Variants in SOD2 observed in about 807,000 individuals in gnomAD.
SOD2 encodes superoxide dismutase [Mn], mitochondrial.
Under a neutral mutation model 27.0 loss-of-function variants are expected in SOD2, and 11 were observed. The observed-to-expected ratio is 0.41, with a 90% confidence interval of 0.26 to 0.67. SOD2 has a LOEUF of 0.67. Ranked by LOEUF, SOD2 falls within the 30% of genes least tolerant of loss-of-function variation. The pLI, the probability that SOD2 is intolerant of heterozygous loss-of-function variation, is 0.34. For missense variants in SOD2, 250 were observed against 274.5 expected (o/e 0.91, Z 0.63); for synonymous variants, 105 against 103.0 (o/e 1.02, Z -0.12).
chr6:159,685,467 C>A (rs879853869), intron 3 of SOD2, among the ~76,000 whole-genome samples: 3 of 152,110 alleles, frequency 2.0e-5, no homozygotes, highest in Non-Finnish European at 4.4e-5. Flanking sequence ...GTCTCAAACT[C>A]CCAACCTCAG....
At chr6:159,750,386 A>G (rs1779774675) in intron 1 of SOD2, among the ~76,000 whole-genome samples, 1 of 152,142 alleles carries the variant, frequency 6.6e-6, no homozygotes, top group Admixed American at 6.5e-5. Context: ...TTTCTCTTTT[A>G]ATAAGATAAT....
At chr6:159,738,795 A>G (rs373131623) in intron 1 of SOD2, among the ~76,000 whole-genome samples, 1 of 152,004 alleles carries the variant, frequency 6.6e-6, no homozygotes, top group Non-Finnish European at 1.5e-5. Context: ...TTTCCTAATG[A>G]TGATGCCCAT....
At chr6:159,727,432 G>T (rs954717951), upstream of SOD2, 4 of 1,088,062 alleles carry the variant, frequency 3.7e-6, no homozygotes, top group South Asian at 1.9e-5. Flanking sequence ...GGCGCGTTCG[G>T]ACCGGCTGTG....
intron 4 of SOD2, among the ~76,000 whole-genome samples, chr6:159,683,286 C>T (rs1562417006): frequency 6.6e-6 from 1 of 152,142 alleles, no homozygotes; most frequent in South Asian, 2.1e-4. Context: ...GCGTTCGAGA[C>T]CAGCCTGGCC....
At chr6:159,755,807 C>A in intron 1 of SOD2, 3 of 868,910 alleles carry the variant, frequency 3.5e-6, no homozygotes, top group Non-Finnish European at 2.9e-6. Context: ...ATACTTCTGC[C>A]GCTTTGGAAA....
At chr6:159,735,581 T>C (rs1440016764) in intron 1 of SOD2, among the ~76,000 whole-genome samples, 1 of 152,066 alleles carries the variant, frequency 6.6e-6, no homozygotes, top group Non-Finnish European at 1.5e-5. Context: ...AAACCCCGTC[T>C]CTACTAAAAA....
At chr6:159,692,226 C>T (rs1164619731) in intron 2 of SOD2, 2 of 377,462 alleles carry the variant, frequency 5.3e-6, no homozygotes, top group Non-Finnish European at 9.1e-6. Context: ...TGGACAGGCG[C>T]TCTCAGCCCT....
At chr6:159,749,181 G>A, upstream of SOD2, 1 of 985,824 alleles carries the variant, frequency 1.0e-6, no homozygotes, top group Non-Finnish European at 1.2e-6. Context: ...CAAACTTCAG[G>A]TTGAAACTGT....
intron 3 of SOD2, among the ~76,000 whole-genome samples, chr6:159,687,231 C>T (rs1780233139): frequency 6.6e-6 from 1 of 152,102 alleles, no homozygotes; most frequent in South Asian, 2.1e-4. Flanking sequence ...CACATCCATA[C>T]CACAGCACTT....
At chr6:159,697,553 A>G (rs1777445658), upstream of SOD2, among the ~76,000 whole-genome samples, 3 of 152,222 alleles carry the variant, frequency 2.0e-5, no homozygotes, top group South Asian at 6.2e-4. Context: ...TGGAAAGGAA[A>G]GGAGGAGCTT....
exon 1 of SOD2, chr6:159,762,000 T>C (rs1409113221): frequency 6.7e-7 from 1 of 1,489,714 alleles, no homozygotes; most frequent in Non-Finnish European, 9.2e-7. Context: ...CTACCTCAGG[T>C]CCCGCCCGCG....
At chr6:159,752,227 A>C (rs572425920) in intron 1 of SOD2, among the ~76,000 whole-genome samples, 1 of 152,254 alleles carries the variant, frequency 6.6e-6, no homozygotes, top group African/African-American at 2.4e-5. Context: ...AATTTAAAAA[A>C]TGTTTTAACC....
chr6:159,698,989 C>T (rs1777479887), intron 1 of SOD2, among the ~76,000 whole-genome samples: 1 of 151,628 alleles, frequency 6.6e-6, no homozygotes, highest in Non-Finnish European at 1.5e-5. Flanking sequence ...TGGACCCATG[C>T]AGTTCAAACC....
Position 159,673,824 on chromosome 6 carries a change from A to G in SOD2, c.*8669T>C, listed in dbSNP as rs1779719142. 1 of 152,192 alleles carries G rather than the reference A, an allele frequency of 6.6e-6. No homozygotes were observed. Among genetic ancestry groups the G allele is most frequent in the Non-Finnish European group, 1.5e-5 (1 of 68,034 alleles). The allele number at this position is 152,192 out of a possible 1,614,324, so 9.4% of individuals were successfully genotyped here. A position where few individuals can be genotyped will look rare whatever the true frequency, so the allele number is the denominator to read the frequency against. On this transcript the variant is annotated 3_prime_UTR_variant, in exon 5 of 5. Coordinates refer to ENST00000538183, the MANE Select transcript of SOD2 (RefSeq NM_000636.4). Reference sequence around the variant, plus strand: ...GAATCCAGGAGCTGGTTTTTTGAAAAGATAAACACAATTGATAGACCGCTA... The same window carrying G: ...GAATCCAGGAGCTGGTTTTTTGAAAGGATAAACACAATTGATAGACCGCTA...
chr6:159,726,884 G>A (rs1778194495), intron 1 of SOD2: 3 of 1,289,214 alleles, frequency 2.3e-6, no homozygotes, highest in African/African-American at 3.0e-5. Context: ...AACGCCCGCG[G>A]CTCGCCGCCC....
intron 1 of SOD2, chr6:159,755,894 G>A: frequency 2.9e-6 from 1 of 345,116 alleles, no homozygotes. Flanking sequence ...ATGAGTTAAT[G>A]TGAAATTGTA....
At chr6:159,727,441 T>TGGGGC (rs1206755265), upstream of SOD2, 3 of 993,082 alleles carry the variant, frequency 3.0e-6, no homozygotes, top group South Asian at 1.9e-5. Context: ...GGACCGGCTG[T>TGGGGC]GGGGCGGGGC....
intron 1 of SOD2, among the ~76,000 whole-genome samples, chr6:159,709,009 A>C (rs1289423466): frequency 1.3e-5 from 2 of 152,204 alleles, no homozygotes; most frequent in Admixed American, 6.5e-5. Flanking sequence ...AAAACAAGCA[A>C]TGGGGAAAGG....
chr6:159,754,845 C>T (rs1321201217), intron 1 of SOD2, among the ~76,000 whole-genome samples: 3 of 152,072 alleles, frequency 2.0e-5, no homozygotes, highest in African/African-American at 4.8e-5. Flanking sequence ...TATCTGACTT[C>T]CCCCAAAACA....
Sources: gnomAD v4.1 joint callset for allele counts (sites outside exome capture counted in the v4.1 genomes callset) on GRCh38, gnomAD v4.1.1 for gene constraint, MANE v1.5 for transcripts, NCBI Gene and HGNC (gene_info 2026-07-23, HGNC 2026-07-21) for gene names.